GALNT17: variants seen among roughly 807,000 people sequenced by gnomAD.
GALNT17 encodes the protein UDP-GalNAc:polypeptide N-acetylgalactosaminyltransferase-like 3.
In GALNT17, 29 loss-of-function variants were observed where a neutral mutation model predicts 63.7. That is an observed-to-expected ratio of 0.46 (90% CI 0.34 to 0.62). GALNT17 has a LOEUF of 0.62. GALNT17 is among the 20% of genes least tolerant of loss of function. GALNT17 has a pLI of 0.01. For missense variants in GALNT17, 603 were observed against 799.6 expected, an observed-to-expected ratio of 0.75 and a Z score of 2.97; for synonymous variants, 305 against 318.3, an observed-to-expected ratio of 0.96 and a Z score of 0.45.
At chr7:71,239,723 A>G (rs77785559) in intron 1 of GALNT17, among the ~76,000 whole-genome samples, 2,610 of 152,302 alleles carry the variant, frequency 0.017, 79 homozygotes, top group African/African-American at 0.058. Context: ...TCCAGGCCCC[A>G]AAGTAGGGAC....
chr7:71,151,612 T>A (rs1267676334), intron 1 of GALNT17, among the ~76,000 whole-genome samples: 1 of 141,396 alleles, frequency 7.1e-6, no homozygotes, highest in East Asian at 2.0e-4. Context: ...ACAGCAAGAC[T>A]CCATCTCAAA....
chr7:71,693,840 A>G (rs1194455756), intron 9 of GALNT17, among the ~76,000 whole-genome samples: 1 of 151,022 alleles, frequency 6.6e-6, no homozygotes, highest in East Asian at 1.9e-4. Flanking sequence ...AAAAGAATCT[A>G]TAGGAAAGAA....
At chr7:71,624,642 G>A (rs1790345143) in intron 6 of GALNT17, among the ~76,000 whole-genome samples, 1 of 151,960 alleles carries the variant, frequency 6.6e-6, no homozygotes, top group Admixed American at 6.6e-5. Flanking sequence ...TTTGTTTATG[G>A]GTGTCCTATC....
chr7:71,402,991 C>T (rs887399589), intron 3 of GALNT17, among the ~76,000 whole-genome samples: 1 of 152,158 alleles, frequency 6.6e-6, no homozygotes, highest in Non-Finnish European at 1.5e-5. Flanking sequence ...TTGCCCCCAA[C>T]CAGATCATAG....
intron 2 of GALNT17, among the ~76,000 whole-genome samples, chr7:71,382,161 C>A (rs1248235317): frequency 6.6e-6 from 1 of 152,116 alleles, no homozygotes; most frequent in East Asian, 1.9e-4. Context: ...GGGCAGATCG[C>A]CTGAGGTCAG....
chr7:71,673,790 T>G (rs1791106924), intron 8 of GALNT17, among the ~76,000 whole-genome samples: 1 of 152,110 alleles, frequency 6.6e-6, no homozygotes, highest in South Asian at 2.1e-4. Context: ...AATTTTGTGT[T>G]TTTGTTTTTG....
At chr7:71,291,461 G>C (rs1343771194) in intron 1 of GALNT17, among the ~76,000 whole-genome samples, 1 of 151,890 alleles carries the variant, frequency 6.6e-6, no homozygotes, top group African/African-American at 2.4e-5. Flanking sequence ...CTTGGTCTGT[G>C]AAAACTGTCT....
intron 5 of GALNT17, among the ~76,000 whole-genome samples, chr7:71,551,925 G>C (rs940231278): frequency 6.6e-6 from 1 of 152,146 alleles, no homozygotes; most frequent in African/African-American, 2.4e-5. Context: ...GGAAATGCAA[G>C]GTGTGAGATT....
chr7:71,437,773 G>A (rs1437793806), intron 5 of GALNT17, among the ~76,000 whole-genome samples: 1 of 152,162 alleles, frequency 6.6e-6, no homozygotes, highest in Admixed American at 6.5e-5. Flanking sequence ...AGAGTGCAGT[G>A]GTGCAATCAT....
chr7:71,449,934 G>C (rs554289497), intron 5 of GALNT17, among the ~76,000 whole-genome samples: 1 of 151,440 alleles, frequency 6.6e-6, no homozygotes, highest in Non-Finnish European at 1.5e-5. Flanking sequence ...CCAGCTACTC[G>C]GGAGGCTGAG....
At chr7:71,194,272 G>A (rs1336385086) in intron 1 of GALNT17, among the ~76,000 whole-genome samples, 1 of 152,160 alleles carries the variant, frequency 6.6e-6, no homozygotes, top group African/African-American at 2.4e-5. Flanking sequence ...AGAGGTTTAG[G>A]AACTTGCCCC....
chr7:71,323,788 A>G (rs1258654987), intron 1 of GALNT17, among the ~76,000 whole-genome samples: 16 of 152,254 alleles, frequency 1.1e-4, no homozygotes, highest in Non-Finnish European at 1.8e-4. Flanking sequence ...CACTTTGGTC[A>G]TTCAGCCGTC....
In GALNT17 at chr7:71,669,907, C is replaced by T. The variant is rs1345377165; in HGVS notation, c.1267-65C>T. ...GAAGGTTTCCCTGAAAGTGACTCCA[C>T]CTGTGCCCCACTCTGGCCAGAGCTC... On this transcript the variant is annotated intron_variant, in intron 7 of 10. Transcript: ENST00000333538. 6 of 1,588,866 alleles carry T rather than the reference C, an allele frequency of 3.8e-6. No homozygotes were observed. In the African/African-American group the frequency reaches 4.1e-5, roughly 11 times the overall value.
rs1190987637 is a variant in GALNT17, at chr7:71,265,134, T to A, written c.239-70416T>A. 1.8e-4 allele frequency among the ~76,000 whole-genome samples: 10 copies of A among 55,868 alleles called. No homozygotes were observed. The East Asian group carries it at 3.0e-3, about 17-fold the overall frequency. The allele number at this position is 55,868 out of a possible 152,430, so 36.7% of individuals were successfully genotyped here. A position where few individuals can be genotyped will look rare whatever the true frequency, so the allele number is the denominator to read the frequency against. On this transcript the variant is annotated intron_variant, in intron 1 of 10. Coordinates refer to ENST00000333538, the MANE Select transcript of GALNT17 (RefSeq NM_022479.3). Reference sequence around the variant, plus strand: ...TATATATATATTTTTTTTTTTTTTTTTTTTTTTTTTGAGATGGAGTCTCTC... The same window carrying A: ...TATATATATATTTTTTTTTTTTTTTATTTTTTTTTTGAGATGGAGTCTCTC...
At chr7:71,221,209 G>A (rs1480738483) in intron 1 of GALNT17, among the ~76,000 whole-genome samples, 1 of 152,132 alleles carries the variant, frequency 6.6e-6, no homozygotes, top group Non-Finnish European at 1.5e-5. Context: ...GGTGGACTAT[G>A]GAGGACTAAG....
At chr7:71,540,665 C>T (rs1037705056) in intron 5 of GALNT17, among the ~76,000 whole-genome samples, 2 of 152,050 alleles carry the variant, frequency 1.3e-5, no homozygotes, top group South Asian at 2.1e-4. Flanking sequence ...TATTTTATTA[C>T]ATAGGTATAT....
chr7:71,274,848 T>C (rs1341325711), intron 1 of GALNT17, among the ~76,000 whole-genome samples: 2 of 152,150 alleles, frequency 1.3e-5, no homozygotes, highest in Non-Finnish European at 2.9e-5. Context: ...TTCCTTCTGA[T>C]TTGCATTTCA....
intron 1 of GALNT17, among the ~76,000 whole-genome samples, chr7:71,144,415 T>C (rs189069000): frequency 1.8e-4 from 27 of 152,244 alleles, no homozygotes; most frequent in African/African-American, 5.8e-4. Context: ...TAATCATCAT[T>C]ATTATTGGCT....
At chr7:71,316,677 A>G (rs1416194016) in intron 1 of GALNT17, among the ~76,000 whole-genome samples, 3 of 152,112 alleles carry the variant, frequency 2.0e-5, no homozygotes, top group Non-Finnish European at 1.5e-5. Context: ...AGGCCTGCTT[A>G]CTTCACACCT....
Sources: allele counts gnomAD v4.1 joint callset (sites outside exome capture counted in the v4.1 genomes callset), GRCh38; gene constraint gnomAD v4.1.1; transcripts MANE v1.5; gene names NCBI Gene and HGNC (gene_info 2026-07-23, HGNC 2026-07-21).